DPEP2: variants seen among roughly 807,000 people sequenced by gnomAD.
DPEP2 encodes the protein dipeptidase 2.
In DPEP2, 45 loss-of-function variants were observed where a neutral mutation model predicts 51.8. The ratio of observed to expected loss-of-function variants is 0.87; its 90% CI spans 0.68 to 1.11. The LOEUF is 1.11. Among genes scored for constraint, DPEP2 ranks in the 50% most tolerant of loss-of-function variants. DPEP2 has a pLI of 0.00. For missense variants in DPEP2, 604 were observed against 631.9 expected (o/e 0.96, Z 0.47); for synonymous variants, 255 against 262.7 (o/e 0.97, Z 0.28).
At position 67,991,623 on chromosome 16, in the gene DPEP2, C is replaced by A; in HGVS notation, c.662+215G>T. ...GAACTCCTGGCCTTAAGTTATCTGT[C>A]CGCCTCAGCCTCCCAAAGTTTTGGG... On this transcript the variant is annotated intron_variant, in intron 5 of 10. Transcript: ENST00000393847. The surrounding 1 kb of genome is among the most constrained non-coding windows in gnomAD (Gnocchi z 5.1). 1 of 659,178 alleles carries A rather than the reference C, an allele frequency of 1.5e-6. No homozygotes were observed. Among genetic ancestry groups the A allele is most frequent in the East Asian group, 2.8e-5 (1 of 35,308 alleles). 40.8% of individuals were successfully genotyped at this position (659,178 alleles called of 1,614,324 possible). A position where few individuals can be genotyped will look rare whatever the true frequency, so the allele number is the denominator to read the frequency against.
In DPEP2 at chr16:67,987,532, A is replaced by T. The variant is rs2031537583; in HGVS notation, c.1435T>A (p.Phe479Ile). 10 of 1,613,828 alleles carry T rather than the reference A, an allele frequency of 6.2e-6. No homozygotes were observed. The highest frequency in any genetic ancestry group is 8.5e-6 in the Non-Finnish European group (10 of 1,179,826). Reference sequence around the variant, plus strand: ...CAGAGCCACAGAATAAGGACTGGGAAGGTGGCCACAACTGCAAGGACTGGG... The same window carrying T: ...CAGAGCCACAGAATAAGGACTGGGATGGTGGCCACAACTGCAAGGACTGGG... ...MAPVLAVVATFPVLILWL is the reference protein window; with the variant it reads ...MAPVLAVVATIPVLILWL Residue 479 changes from phenylalanine to isoleucine, a missense_variant, in exon 11 of 11, where the codon TTC (phenylalanine) becomes ATC (isoleucine). Coordinates refer to ENST00000393847, the MANE Select transcript of DPEP2 (RefSeq NM_022355.4).
At chr16:67,993,572 G>A in intron 1 of DPEP2, 1 of 1,031,870 alleles carries the variant, frequency 9.7e-7, no homozygotes, top group Non-Finnish European at 1.2e-6. Context: ...CTCCTCTGCT[G>A]CCCCTAGGCT....
At chr16:67,993,337 A>G (rs2032430556) in intron 1 of DPEP2, 80 bp from the exon 2 acceptor site, 2 of 1,320,612 alleles carry the variant, frequency 1.5e-6, no homozygotes. Context: ...CGTGGCCTCA[A>G]GAGGAGGGTA....
At chr16:68,000,330 T>A, upstream of DPEP2, 3 of 581,246 alleles carry the variant, frequency 5.2e-6, no homozygotes, top group Non-Finnish European at 6.5e-6. Flanking sequence ...CACTCGCCCC[T>A]ACTCATCTCC....
intron 1 of DPEP2, among the ~76,000 whole-genome samples, chr16:67,996,073 C>G (rs1022449183): frequency 6.6e-6 from 1 of 152,084 alleles, no homozygotes; most frequent in Non-Finnish European, 1.5e-5. Context: ...AGGTCTTGCT[C>G]TGTCACCCAG....
At chr16:67,994,535 C>T (rs1304798253) in intron 1 of DPEP2, 1 of 985,390 alleles carries the variant, frequency 1.0e-6, no homozygotes, top group East Asian at 1.1e-4. Context: ...CCTTCGTCCT[C>T]AGAGACCTTT....
At chr16:67,990,796 G>T (rs772435968) in intron 7 of DPEP2, 25 bp downstream of exon 7, 6 of 1,600,648 alleles carry the variant, frequency 3.7e-6, no homozygotes, top group African/African-American at 1.3e-5. Flanking sequence ...CTTGCTTTAG[G>T]TTCCTGGGCT....
At chr16:67,997,330 C>G (rs2032759267) in intron 1 of DPEP2, among the ~76,000 whole-genome samples, 1 of 150,614 alleles carries the variant, frequency 6.6e-6, no homozygotes, top group African/African-American at 2.4e-5. Flanking sequence ...ACCCCCGACC[C>G]TTGGCCAAAT....
Position 67,987,988 on chromosome 16 carries a change from C to G in DPEP2, c.1071-1G>C. The G allele has an allele frequency of 6.2e-7, 1 of 1,614,162 alleles. No homozygotes were observed. The highest frequency in any genetic ancestry group is 8.5e-7 in the Non-Finnish European group (1 of 1,180,024). On this transcript the variant is annotated splice_acceptor_variant, in intron 9 of 10. Transcript: ENST00000393847. LOFTEE classifies it high-confidence loss of function. ...CACGTCTTCCAGCCCCTGAGGGAAT[C>G]TGTGTGGCCACCAGCTAGTGGGTTT...
intron 8 of DPEP2, among the ~76,000 whole-genome samples, chr16:67,989,749 C>T (rs1328889209): frequency 6.6e-6 from 1 of 152,204 alleles, no homozygotes; most frequent in Non-Finnish European, 1.5e-5. Flanking sequence ...GACAAAGACC[C>T]CAGAGACCTA....
chr16:67,998,545 GC>G (rs900688400), intron 1 of DPEP2, among the ~76,000 whole-genome samples: 2 of 152,164 alleles, frequency 1.3e-5, no homozygotes. Context: ...GGTGAGCGCC[GC>G]CCCCTGCTCC....
In DPEP2 at chr16:67,992,971, C is replaced by T. The variant is rs202239509; in HGVS notation, c.242G>A (p.Arg81Gln). Residue 81 changes from arginine to glutamine, a missense_variant, in exon 2 of 11, where the codon CGG becomes CAG. Arg to Gln is a conservative substitution (Grantham distance 43). Coordinates refer to ENST00000393847, the MANE Select transcript of DPEP2 (RefSeq NM_022355.4). ...GLQEQARALM[R>Q]DFPLVDGHND... ...GCACCCGTCCACGAGCGGGAAGTCCCGCATCAGGGCCCGTGCCTGCTCTTG... is the reference window on the plus strand; with the variant it reads ...GCACCCGTCCACGAGCGGGAAGTCCTGCATCAGGGCCCGTGCCTGCTCTTG... 2.5e-4 allele frequency: 396 copies of T among 1,611,598 alleles called. 2 individuals carry two copies. The East Asian group carries it at 6.8e-3, about 28-fold the overall frequency.
chr16:67,996,205 T>C (rs1266493733), intron 1 of DPEP2, among the ~76,000 whole-genome samples: 1 of 149,026 alleles, frequency 6.7e-6, no homozygotes, highest in Non-Finnish European at 1.5e-5. Context: ...CTCGGCTATT[T>C]TTTTTTTTTT....
rs1342532984 is a variant in DPEP2, at chr16:67,991,270, AC to A, written c.663-87del. 22 of 1,376,496 alleles carry A rather than the reference AC, an allele frequency of 1.6e-5. No homozygotes were observed. The highest frequency in any genetic ancestry group is 1.4e-5 in the Non-Finnish European group (14 of 995,730). The allele number at this position is 1,376,496 out of a possible 1,614,324, so 85.3% of individuals were successfully genotyped here. A position where few individuals can be genotyped will look rare whatever the true frequency, so the allele number is the denominator to read the frequency against. ...GGCCCTACCCACCCTCCATCCCTGC[AC>A]CCCCCTGAAACAAAAACAGGGATCC... On this transcript the variant is annotated intron_variant, in intron 5 of 10. Coordinates refer to ENST00000393847, the MANE Select transcript of DPEP2 (RefSeq NM_022355.4). This position sits in a 1 kb window ranked among gnomAD's most constrained non-coding sequence, Gnocchi z 5.1.
Position 67,993,226 on chromosome 16 carries a change from GGGCA to G in DPEP2, c.-18_-15del, listed in dbSNP as rs2032415538. 4 of 1,427,250 alleles carry G rather than the reference GGGCA, an allele frequency of 2.8e-6. No individual in the cohort carries two copies. The highest frequency in any genetic ancestry group is 5.8e-5 in the Admixed American group (2 of 34,242). The allele number at this position is 1,427,250 out of a possible 1,614,324, so 88.4% of individuals were successfully genotyped here. ...GGAGGGCTGCATGTTGTGCAGGGCC[GGGCA>G]GGCAGGCAGGGGTGGCAGTCAGAGA... On this transcript the variant is annotated 5_prime_UTR_variant, in exon 2 of 11. Transcript: ENST00000393847.
chr16:67,993,147 G>A lies in DPEP2; in HGVS notation c.66C>T (p.Leu22=), dbSNP rs1190800165. 5.2e-6 allele frequency: 8 copies of A among 1,534,508 alleles called. No homozygotes were observed. Among genetic ancestry groups the A allele is most frequent in the Non-Finnish European group, 7.0e-6 (8 of 1,137,936 alleles). Residue 22 remains leucine, a synonymous_variant, in exon 2 of 11, where the codon CTC becomes CTT. Transcript: ENST00000393847. ...TTACAGGCTGGAGCAGCAGCAGCAG[G>A]AGCAGCAGACTCAGCAGAGGCCACC... The part of the protein sequence containing the change: ...FGRWPLLSLL[L]LLLLLQPVTC...
chr16:67,988,000 C>T lies in DPEP2; in HGVS notation c.1071-13G>A, dbSNP rs1332204181. ...CCCCTGAGGGAATCTGTGTGGCCAC[C>T]AGCTAGTGGGTTTCAGACCTGATTC... On this transcript the variant is annotated splice_polypyrimidine_tract_variant and intron_variant, in intron 9 of 10. Transcript: ENST00000393847. 5 of 1,613,948 alleles carry T rather than the reference C, an allele frequency of 3.1e-6. No homozygotes were observed. Among genetic ancestry groups the T allele is most frequent in the Admixed American group, 1.7e-5 (1 of 59,988 alleles).
intron 1 of DPEP2, among the ~76,000 whole-genome samples, chr16:67,995,332 C>T (rs1009235483): frequency 4.6e-5 from 7 of 152,114 alleles, no homozygotes; most frequent in African/African-American, 7.2e-5. Context: ...TAGATGTGAG[C>T]CACTGTGCCC....
At chr16:67,990,673 A>G in intron 7 of DPEP2, 148 bp downstream of exon 7, 1 of 840,718 alleles carries the variant, frequency 1.2e-6, no homozygotes, top group Admixed American at 2.5e-5. Context: ...CATGTTGGCC[A>G]GGCTGGTCTT....
Sources: allele counts gnomAD v4.1 joint callset (sites outside exome capture counted in the v4.1 genomes callset), GRCh38; gene constraint gnomAD v4.1.1; non-coding constraint Gnocchi (gnomAD v3.1); transcripts MANE v1.5; gene names NCBI Gene and HGNC (gene_info 2026-07-23, HGNC 2026-07-21).